Variants in NEK11 observed in about 807,000 individuals in gnomAD.
The protein encoded by NEK11 is serine/threonine-protein kinase Nek11.
Under a neutral mutation model 80.7 loss-of-function variants are expected in NEK11, and 72 were observed. That is an observed-to-expected ratio of 0.89 (90% CI 0.74 to 1.08). NEK11 has a LOEUF of 1.08. NEK11 is among the 50% of genes least tolerant of loss of function. The pLI, the probability that NEK11 is intolerant of heterozygous loss-of-function variation, is 0.00. For synonymous variants in NEK11, 251 were observed against 260.7 expected (o/e 0.96, Z 0.36); for missense variants, 764 against 763.6 (o/e 1.00, Z -0.01).
intron 5 of NEK11, among the ~76,000 whole-genome samples, chr3:131,120,133 T>C (rs1372114316): frequency 6.6e-6 from 1 of 152,212 alleles, no homozygotes; most frequent in Non-Finnish European, 1.5e-5. Context: ...TTCCTTTCCA[T>C]GTTTAGTGCT....
At chr3:131,306,429 G>A (rs964031695) in intron 17 of NEK11, among the ~76,000 whole-genome samples, 3 of 152,154 alleles carry the variant, frequency 2.0e-5, no homozygotes, top group African/African-American at 7.2e-5. Flanking sequence ...CTCTGGCTGT[G>A]AACTTTGTAA....
chr3:131,169,743 A>G (rs896527602), intron 13 of NEK11, among the ~76,000 whole-genome samples: 6 of 152,236 alleles, frequency 3.9e-5, no homozygotes, highest in Non-Finnish European at 8.8e-5. Flanking sequence ...TTCTAAGAGA[A>G]GCAATTATAA....
intron 3 of NEK11, among the ~76,000 whole-genome samples, chr3:131,039,196 A>C (rs561458039): frequency 6.6e-6 from 1 of 152,292 alleles, no homozygotes; most frequent in Admixed American, 6.5e-5. Context: ...CTTCCCCTAA[A>C]AGGGCTTTTT....
At chr3:131,263,671 A>G (rs1403211431) in intron 16 of NEK11, among the ~76,000 whole-genome samples, 2 of 152,222 alleles carry the variant, frequency 1.3e-5, no homozygotes, top group Non-Finnish European at 2.9e-5. Context: ...GCCACAATAA[A>G]CATACATGTG....
intron 17 of NEK11, among the ~76,000 whole-genome samples, chr3:131,321,888 G>A (rs2096900991): frequency 6.6e-6 from 1 of 152,172 alleles, no homozygotes; most frequent in Non-Finnish European, 1.5e-5. Context: ...TACACTGTTG[G>A]TGGGAATGTA....
At chr3:131,269,241 C>T (rs2096127709) in intron 16 of NEK11, among the ~76,000 whole-genome samples, 1 of 152,184 alleles carries the variant, frequency 6.6e-6, no homozygotes, top group Admixed American at 6.5e-5. Flanking sequence ...GACCACTTGG[C>T]TCCCTGGCTT....
At chr3:131,252,273 G>A (rs1193339792) in intron 16 of NEK11, among the ~76,000 whole-genome samples, 1 of 152,034 alleles carries the variant, frequency 6.6e-6, no homozygotes, top group Non-Finnish European at 1.5e-5. Flanking sequence ...AGGCACTTTG[G>A]TAATGCCCAG....
At chr3:131,154,584 T>C (rs1396845510) in intron 9 of NEK11, among the ~76,000 whole-genome samples, 2 of 152,236 alleles carry the variant, frequency 1.3e-5, no homozygotes, top group Admixed American at 6.5e-5. Flanking sequence ...ACATTAATTT[T>C]GATTTTTAAC....
Position 131,029,610 on chromosome 3 carries a change from A to T in NEK11, c.-96-3A>T. 1.7e-6 allele frequency: 2 copies of T among 1,202,808 alleles called. No individual in the cohort carries two copies. Among genetic ancestry groups the T allele is most frequent in the Non-Finnish European group, 2.4e-6 (2 of 845,974 alleles). The allele number at this position is 1,202,808 out of a possible 1,614,324, so 74.5% of individuals were successfully genotyped here. The stretch of plus-strand genomic sequence containing the variant: ...CCTGATCTTTTAACTTTTCATCTTT[A>T]AGGAACTGACCAACACTGGATGAAT... On this transcript the variant is annotated splice_region_variant and splice_polypyrimidine_tract_variant and intron_variant, in intron 2 of 17. Transcript: ENST00000383366.
At chr3:131,231,208 CT>C (rs200841954) in intron 15 of NEK11, among the ~76,000 whole-genome samples, 141 of 144,412 alleles carry the variant, frequency 9.8e-4, no homozygotes, top group Non-Finnish European at 1.5e-3. Context: ...TCTTTTTTTT[CT>C]TTTTTTTTTT....
chr3:131,215,621 C>T (rs2094808633), intron 14 of NEK11, among the ~76,000 whole-genome samples: 1 of 152,116 alleles, frequency 6.6e-6, no homozygotes, highest in Non-Finnish European at 1.5e-5. Flanking sequence ...TGATTGGATA[C>T]ATCCTTTGAT....
intron 14 of NEK11, among the ~76,000 whole-genome samples, chr3:131,178,689 G>A (rs937862015): frequency 5.3e-5 from 8 of 152,200 alleles, no homozygotes; most frequent in African/African-American, 1.9e-4. Flanking sequence ...TAAATAAGTA[G>A]AAGGAGTATA....
intron 16 of NEK11, among the ~76,000 whole-genome samples, chr3:131,244,422 C>G (rs1484464315): frequency 6.6e-6 from 1 of 152,062 alleles, no homozygotes; most frequent in Non-Finnish European, 1.5e-5. Context: ...AACATCGAAG[C>G]ATGACTTAAG....
chr3:131,127,785 G>A (rs2083622594), intron 5 of NEK11, among the ~76,000 whole-genome samples: 1 of 114,360 alleles, frequency 8.7e-6, no homozygotes, highest in Admixed American at 8.2e-5. Context: ...ATTTAGGGCA[G>A]ATCACCTTGA....
intron 3 of NEK11, among the ~76,000 whole-genome samples, chr3:131,076,770 C>T (rs944053950): frequency 3.3e-5 from 5 of 152,176 alleles, no homozygotes; most frequent in African/African-American, 4.8e-5. Flanking sequence ...CTTTGAAAAA[C>T]ACAACCATAC....
intron 14 of NEK11, among the ~76,000 whole-genome samples, chr3:131,174,492 G>T (rs1371397352): frequency 2.0e-5 from 3 of 152,132 alleles, no homozygotes; most frequent in Non-Finnish European, 4.4e-5. Flanking sequence ...GGTTGAATTG[G>T]ACAATTCCCT....
chr3:131,210,935 A>G (rs964546991), intron 14 of NEK11, among the ~76,000 whole-genome samples: 2 of 152,166 alleles, frequency 1.3e-5, no homozygotes, highest in Admixed American at 1.3e-4. Context: ...CCAATTTGCC[A>G]GTCTGTGTCT....
intron 9 of NEK11, among the ~76,000 whole-genome samples, chr3:131,154,278 C>T (rs1377982526): frequency 6.8e-6 from 1 of 148,004 alleles, no homozygotes; most frequent in Admixed American, 6.8e-5. Context: ...TTTGAGCATT[C>T]AAAAAAAAAA....
intron 14 of NEK11, among the ~76,000 whole-genome samples, chr3:131,187,631 G>A (rs540450681): frequency 6.6e-6 from 1 of 152,224 alleles, no homozygotes; most frequent in East Asian, 1.9e-4. Flanking sequence ...AGCCCCATCT[G>A]CAATTTTTTT....
Sources: allele counts gnomAD v4.1 joint callset (sites outside exome capture counted in the v4.1 genomes callset), GRCh38; gene constraint gnomAD v4.1.1; transcripts MANE v1.5; gene names NCBI Gene and HGNC (gene_info 2026-07-23, HGNC 2026-07-21).